The following SYCP2 variants were observed in gnomAD, a reference collection of about 807,000 sequenced individuals.
SYCP2 encodes the protein synaptonemal complex protein 2, also known as synaptonemal complex lateral element protein.
SYCP2 carries 55 observed loss-of-function variants against 211.3 expected under a neutral mutation model. The observed-to-expected ratio is 0.26, with a 90% CI of 0.21 to 0.33. The LOEUF is 0.33. SYCP2 is among the 10% of genes least tolerant of loss of function. The pLI is 1.00. For synonymous variants in SYCP2, 570 were observed against 555.2 expected, an observed-to-expected ratio of 1.03 and a Z score of -0.37; for missense variants, 1,731 against 1,752.0, an observed-to-expected ratio of 0.99 and a Z score of 0.21.
chr20:59,893,664 G>T, intron 20 of SYCP2, 71 bp from the exon 21 acceptor site: 1 of 1,122,484 alleles, frequency 8.9e-7, no homozygotes, highest in South Asian at 1.7e-5. Context: ...ACAGTATTAA[G>T]GTTTGAGTCT....
At chr20:59,904,406 C>T (rs189900456) in intron 15 of SYCP2, among the ~76,000 whole-genome samples, 1 of 152,212 alleles carries the variant, frequency 6.6e-6, no homozygotes, top group East Asian at 1.9e-4. Context: ...ATAGGCTCAT[C>T]ATCAACAGAC....
intron 10 of SYCP2, among the ~76,000 whole-genome samples, chr20:59,914,750 GA>G (rs1249645228): frequency 6.6e-6 from 1 of 151,774 alleles, no homozygotes; most frequent in Non-Finnish European, 1.5e-5. Context: ...TCAATATGAA[GA>G]ATATTAGACA....
At position 59,864,032 on chromosome 20, in the gene SYCP2, CATTTT is replaced by C. The variant is rs2059281990; in HGVS notation, c.*274_*278del. The C allele has an allele frequency of 4.7e-6, 1 of 211,398 alleles. No homozygotes were observed. Among genetic ancestry groups the C allele is most frequent in the Non-Finnish European group, 9.3e-6 (1 of 107,202 alleles). The allele number at this position is 211,398 out of a possible 1,614,324, so 13.1% of individuals were successfully genotyped here. A position where few individuals can be genotyped will look rare whatever the true frequency, so the allele number is the denominator to read the frequency against. On this transcript the variant is annotated 3_prime_UTR_variant, in exon 45 of 45. Coordinates refer to ENST00000357552, the MANE Select transcript of SYCP2 (RefSeq NM_014258.4). ...TAAAATTTAATTTATTAAAGAAACT[CATTTT>C]ATGAGTATAATTAACTCAAAAAGTT...
At chr20:59,915,082 C>T in intron 10 of SYCP2, 83 bp downstream of exon 10, 1 of 884,576 alleles carries the variant, frequency 1.1e-6, no homozygotes, top group Non-Finnish European at 1.8e-6. Flanking sequence ...TCTCACATTG[C>T]TATGCTAATA....
chr20:59,887,286 T>C (rs915365018), intron 24 of SYCP2, among the ~76,000 whole-genome samples: 1 of 152,148 alleles, frequency 6.6e-6, no homozygotes, highest in African/African-American at 2.4e-5. Context: ...CTGAGAATGA[T>C]GGTTTCCAGC....
At chr20:59,877,583 G>A in intron 32 of SYCP2, 28 bp from the exon 33 acceptor site, 1 of 1,548,944 alleles carries the variant, frequency 6.5e-7, no homozygotes, top group Non-Finnish European at 8.7e-7. Flanking sequence ...CTGAATATTA[G>A]ATCAATATTT....
At chr20:59,930,210 G>A (rs1210067865) in intron 2 of SYCP2, among the ~76,000 whole-genome samples, 2 of 151,974 alleles carry the variant, frequency 1.3e-5, no homozygotes, top group Non-Finnish European at 2.9e-5. Flanking sequence ...GAAGAGGACT[G>A]CAATTAATTA....
intron 7 of SYCP2, among the ~76,000 whole-genome samples, chr20:59,918,519 T>A (rs948039571): frequency 5.3e-5 from 8 of 152,200 alleles, no homozygotes; most frequent in African/African-American, 1.7e-4. Context: ...CATTTAATTG[T>A]GCAACTGGGA....
intron 20 of SYCP2, among the ~76,000 whole-genome samples, chr20:59,895,185 C>T (rs1432796712): frequency 6.6e-6 from 1 of 152,028 alleles, no homozygotes; most frequent in African/African-American, 2.4e-5. Context: ...ATAATTATGG[C>T]AGGTTCATTT....
chr20:59,873,816 G>C, intron 35 of SYCP2, 40 bp downstream of exon 35: 1 of 1,482,714 alleles, frequency 6.7e-7, no homozygotes, highest in South Asian at 1.3e-5. Context: ...ACTACCTTCA[G>C]ATATATCTGA....
At chr20:59,877,688 T>G in intron 32 of SYCP2, 133 bp from the exon 33 acceptor site, 2 of 760,506 alleles carry the variant, frequency 2.6e-6, no homozygotes, top group Non-Finnish European at 4.1e-6. Context: ...TTAACATACT[T>G]TAAATTAATG....
At chr20:59,919,381 A>C in intron 6 of SYCP2, 112 bp downstream of exon 6, 1 of 820,570 alleles carries the variant, frequency 1.2e-6, no homozygotes, top group Non-Finnish European at 2.0e-6. Flanking sequence ...AATCCAACCA[A>C]GTCACCAACC....
At chr20:59,885,831 G>C in intron 26 of SYCP2, 97 bp downstream of exon 26, 1 of 909,206 alleles carries the variant, frequency 1.1e-6, no homozygotes, top group Non-Finnish European at 1.7e-6. Flanking sequence ...TGAAAACATC[G>C]TATCAAATTC....
At chr20:59,902,231 TATAAC>T (rs2060128557) in intron 15 of SYCP2, among the ~76,000 whole-genome samples, 1 of 152,124 alleles carries the variant, frequency 6.6e-6, no homozygotes, top group South Asian at 2.1e-4. Flanking sequence ...CCACAGTTGT[TATAAC>T]ATGCTGACAA....
At chr20:59,920,634 A>C in intron 4 of SYCP2, 147 bp from the exon 5 acceptor site, 2 of 678,480 alleles carry the variant, frequency 2.9e-6, no homozygotes, top group Non-Finnish European at 4.8e-6. Context: ...AACAGATGAA[A>C]ATGTGGTTTA....
At chr20:59,878,230 G>A (rs1186155854) in intron 31 of SYCP2, among the ~76,000 whole-genome samples, 185 bp from the exon 32 acceptor site, 3 of 152,182 alleles carry the variant, frequency 2.0e-5, no homozygotes, top group East Asian at 3.9e-4. Flanking sequence ...CAGCCCTCCT[G>A]ACACCGTAAT....
Position 59,893,162 on chromosome 20 carries a change from C to T in SYCP2, c.1773G>A (p.Ala591=), listed in dbSNP as rs377315281. 1,610 of 1,601,256 alleles carry T rather than the reference C, an allele frequency of 1.0e-3. 20 individuals carry two copies. The South Asian group carries it at 0.017, about 17-fold the overall frequency. ...LQDVIPDSQA[A]EKRDHTILPG... ...CTTACATAGTATGATCTCTTTTTTC[C>T]GCTGCCTGTGAATCTGGTATAACAT... Residue 591 remains alanine, a synonymous_variant, in exon 22 of 45, where the codon GCG becomes GCA. Coordinates refer to ENST00000357552, the MANE Select transcript of SYCP2 (RefSeq NM_014258.4).
rs765243485 is a variant in SYCP2, at chr20:59,873,859, A to C, written c.3552T>G (p.Phe1184Leu). The change falls in exon 35 of 45, where the codon TTT becomes TTG. Residue 1184 changes from phenylalanine (F) to leucine (L), a missense_variant. Phe to Leu is a conservative substitution (Grantham distance 22, BLOSUM62 0). Transcript: ENST00000357552. ...AAAAATATATATACATTCTCACCAA[A>C]AACAGTGGTCGTGGAATTGGTGAAC... Reference protein sequence around the residue: ...ESCSPIPRPLFLPRHTPTKSN... With the variant: ...ESCSPIPRPLLLPRHTPTKSN... 4.4e-6 allele frequency: 7 copies of C among 1,605,966 alleles called. No individual in the cohort carries two copies. The highest frequency in any genetic ancestry group is 5.1e-6 in the Non-Finnish European group (6 of 1,177,372).
At chr20:59,887,701 A>C (rs1399091031) in intron 24 of SYCP2, among the ~76,000 whole-genome samples, 1 of 152,042 alleles carries the variant, frequency 6.6e-6, no homozygotes, top group Non-Finnish European at 1.5e-5. Context: ...ATTTTAAAAA[A>C]TGTTTCTGCC....
Sources: gnomAD v4.1 joint callset for allele counts (sites outside exome capture counted in the v4.1 genomes callset) on GRCh38, gnomAD v4.1.1 for gene constraint, MANE v1.5 for transcripts, NCBI Gene and HGNC (gene_info 2026-07-23, HGNC 2026-07-21) for gene names.